RIGI: variants seen among roughly 807,000 people sequenced by gnomAD.
RIGI encodes the protein antiviral innate immune response receptor RIG-I.
chr9:32,482,508 T>G, the RIGI span, among the ~76,000 whole-genome samples: 1 of 152,032 alleles, frequency 6.6e-6, no homozygotes, highest in Admixed American at 6.6e-5. Flanking sequence ...ACTTTGCCTT[T>G]AAAAATGAAG....
At chr9:32,473,548 G>A in the RIGI span, among the ~76,000 whole-genome samples, 8 of 151,984 alleles carry the variant, frequency 5.3e-5, no homozygotes, top group African/African-American at 1.9e-4. Context: ...TCCTCCCAAA[G>A]TGCTGGGATT....
the RIGI span, among the ~76,000 whole-genome samples, chr9:32,486,996 TAAC>T: frequency 1.3e-5 from 2 of 152,328 alleles, no homozygotes; most frequent in Admixed American, 1.3e-4. Flanking sequence ...AGTGTAATAA[TAAC>T]ATCAATAAAC....
chr9:32,500,953 C>T, the RIGI span: 1 of 1,609,040 alleles, frequency 6.2e-7, no homozygotes, highest in South Asian at 1.1e-5. Context: ...CAAACAGAAG[C>T]AAAAATGACT....
At chr9:32,507,157 GA>G in the RIGI span, among the ~76,000 whole-genome samples, 1 of 152,056 alleles carries the variant, frequency 6.6e-6, no homozygotes. Flanking sequence ...TTTTTATTCT[GA>G]TTTTACAAAT....
chr9:32,469,294 G>T, the RIGI span, among the ~76,000 whole-genome samples: 1 of 152,164 alleles, frequency 6.6e-6, no homozygotes, highest in Non-Finnish European at 1.5e-5. Flanking sequence ...AGAGCAATTA[G>T]ATTACACTGA....
At chr9:32,520,349 CATATT>C in the RIGI span, among the ~76,000 whole-genome samples, 2 of 152,068 alleles carry the variant, frequency 1.3e-5, no homozygotes, top group African/African-American at 4.8e-5. Flanking sequence ...TATTTTGTGA[CATATT>C]AGAGAGAATG....
the RIGI span, among the ~76,000 whole-genome samples, chr9:32,479,323 G>T: frequency 6.6e-6 from 1 of 151,938 alleles, no homozygotes; most frequent in Admixed American, 6.6e-5. Flanking sequence ...TTTTTCTCTA[G>T]TGGGTTGTTA....
the RIGI span, among the ~76,000 whole-genome samples, chr9:32,495,453 G>A: frequency 7.3e-5 from 11 of 151,384 alleles, no homozygotes; most frequent in African/African-American, 1.7e-4. Flanking sequence ...CACCCGCCTC[G>A]GCCTTCCAAA....
At chr9:32,522,221 T>C in the RIGI span, among the ~76,000 whole-genome samples, 3 of 152,160 alleles carry the variant, frequency 2.0e-5, no homozygotes, top group African/African-American at 7.2e-5. Flanking sequence ...AGAATTTTTG[T>C]TTTTTGGAAT....
the RIGI span, among the ~76,000 whole-genome samples, chr9:32,478,044 T>C: frequency 3.9e-5 from 6 of 152,140 alleles, no homozygotes; most frequent in Middle Eastern, 3.4e-3. Context: ...TTTATCGGTT[T>C]TTGTTTTTGT....
the RIGI span, chr9:32,457,292 T>A: frequency 6.2e-7 from 1 of 1,614,204 alleles, no homozygotes; most frequent in Non-Finnish European, 8.5e-7. Flanking sequence ...CAGTCATGGC[T>A]GCAGTTCTGT....
chr9:32,495,931 G>A, the RIGI span, among the ~76,000 whole-genome samples: 1 of 152,020 alleles, frequency 6.6e-6, no homozygotes, highest in Admixed American at 6.6e-5. Flanking sequence ...TGCTGGGATT[G>A]CCTATTTTTT....
At chr9:32,496,870 T>C in the RIGI span, among the ~76,000 whole-genome samples, 1 of 152,196 alleles carries the variant, frequency 6.6e-6, no homozygotes, top group African/African-American at 2.4e-5. Flanking sequence ...TCTTTGAGCA[T>C]ATACTTGAGA....
chr9:32,457,590 G>A, the RIGI span, among the ~76,000 whole-genome samples: 1,651 of 151,976 alleles, frequency 0.011, 26 homozygotes, highest in African/African-American at 0.038. Context: ...CCAAAGTCCA[G>A]AGGATCCATG....
chr9:32,508,233 T>C, the RIGI span, among the ~76,000 whole-genome samples: 14 of 120,432 alleles, frequency 1.2e-4, no homozygotes, highest in Admixed American at 1.4e-3. Context: ...CCAAAGTATT[T>C]ACTTAATTTT....
At chr9:32,519,136 A>G in the RIGI span, among the ~76,000 whole-genome samples, 1 of 152,204 alleles carries the variant, frequency 6.6e-6, no homozygotes, top group Non-Finnish European at 1.5e-5. Flanking sequence ...TATAGCCTCC[A>G]AGTTAAACTG....
chr9:32,498,344 C>A, the RIGI span: 1 of 456,638 alleles, frequency 2.2e-6, no homozygotes, highest in Admixed American at 2.3e-5. Context: ...TTTCATGACT[C>A]CTCCTGTAGC....
the RIGI span, among the ~76,000 whole-genome samples, chr9:32,495,335 G>A: frequency 6.6e-6 from 1 of 151,906 alleles, no homozygotes; most frequent in African/African-American, 2.4e-5. Flanking sequence ...CTGAGTAGCT[G>A]GGATTACAGG....
chr9:32,524,883 G>A, the RIGI span, among the ~76,000 whole-genome samples: 2 of 151,976 alleles, frequency 1.3e-5, no homozygotes, highest in African/African-American at 4.8e-5. Flanking sequence ...GCAGGGAGCC[G>A]AAGGCCCTTG....
Sources: allele counts gnomAD v4.1 joint callset (sites outside exome capture counted in the v4.1 genomes callset), GRCh38; gene constraint gnomAD v4.1.1; transcripts MANE v1.5; gene names NCBI Gene and HGNC (gene_info 2026-07-23, HGNC 2026-07-21).